The following CTNNA3 variants were observed in gnomAD, a reference collection of about 807,000 sequenced individuals.
CTNNA3 encodes catenin alpha-3.
In CTNNA3, 76 loss-of-function variants were observed where a neutral mutation model predicts 95.7. The ratio of observed to expected loss-of-function variants is 0.79; its 90% CI spans 0.66 to 0.96. The LOEUF (loss-of-function observed/expected upper bound fraction) is 0.96, where lower values mean the gene tolerates loss of function less well. CTNNA3 is among the 40% of genes least tolerant of loss of function. The pLI is 0.00. For synonymous variants in CTNNA3, 431 were observed against 374.4 expected (o/e 1.15, Z -1.74); for missense variants, 1,191 against 1,089.8 (o/e 1.09, Z -1.31).
intron 16 of CTNNA3, among the ~76,000 whole-genome samples, chr10:65,980,876 A>T (rs1223585018): frequency 6.6e-6 from 1 of 152,140 alleles, no homozygotes; most frequent in Non-Finnish European, 1.5e-5. Context: ...ACAAACCCAC[A>T]GCCAATATTA....
chr10:67,346,846 C>A (rs962632703), intron 5 of CTNNA3: 3 of 313,176 alleles, frequency 9.6e-6, no homozygotes, highest in Non-Finnish European at 2.0e-5. Context: ...GATATCAATG[C>A]CACATCATTG....
chr10:66,405,062 A>G (rs2132573818), intron 11 of CTNNA3, among the ~76,000 whole-genome samples: 1 of 152,314 alleles, frequency 6.6e-6, no homozygotes, highest in East Asian at 1.9e-4. Context: ...AGAAGAGTTA[A>G]GCAACTATCT....
At chr10:67,169,274 T>A (rs1005693386) in intron 7 of CTNNA3, among the ~76,000 whole-genome samples, 2 of 152,002 alleles carry the variant, frequency 1.3e-5, no homozygotes, top group African/African-American at 2.4e-5. Flanking sequence ...TTTACAGAAC[T>A]AGAGAAAATG....
intron 5 of CTNNA3, among the ~76,000 whole-genome samples, chr10:67,374,538 T>C (rs9415876): frequency 0.72 from 109,084 of 152,168 alleles, 43,187 homozygotes; most frequent in Non-Finnish European, 0.88. Context: ...TTCTTTTATA[T>C]TGGGCTATAT....
intron 15 of CTNNA3, among the ~76,000 whole-genome samples, chr10:66,038,838 A>G (rs949553233): frequency 6.6e-6 from 1 of 152,192 alleles, no homozygotes; most frequent in Non-Finnish European, 1.5e-5. Context: ...CTAGCACAAG[A>G]AAAGAATGTT....
chr10:67,473,316 C>T (rs754585248), intron 5 of CTNNA3, among the ~76,000 whole-genome samples: 46 of 152,300 alleles, frequency 3.0e-4, no homozygotes, highest in Middle Eastern at 3.4e-3. Context: ...TTCTCACTCA[C>T]TGTCTTCTAT....
chr10:67,745,383 A>G (rs1302309541), intron 1 of CTNNA3, among the ~76,000 whole-genome samples: 5 of 152,184 alleles, frequency 3.3e-5, no homozygotes, highest in African/African-American at 1.2e-4. Flanking sequence ...GCTGGAAACC[A>G]TCATTCTCAG....
chr10:67,627,084 T>C (rs1039583308), intron 2 of CTNNA3, among the ~76,000 whole-genome samples: 2 of 152,186 alleles, frequency 1.3e-5, no homozygotes, highest in African/African-American at 4.8e-5. Context: ...TCTTGATTTG[T>C]ATATAAACTA....
At chr10:67,007,852 C>T (rs1246147439) in intron 7 of CTNNA3, among the ~76,000 whole-genome samples, 1 of 151,962 alleles carries the variant, frequency 6.6e-6, no homozygotes, top group Non-Finnish European at 1.5e-5. Flanking sequence ...GCCATTATTT[C>T]AGATATTTTG....
rs557178768 is a variant in CTNNA3, at chr10:67,149,197, C to T, written c.1047+31120G>A. 2.6e-3 allele frequency among the ~76,000 whole-genome samples: 400 copies of T among 152,306 alleles called. 9 individuals are homozygous for T. The highest frequency in any genetic ancestry group is 0.024 in the Middle Eastern group (7 of 294). On this transcript the variant is annotated intron_variant, in intron 7 of 17. Coordinates refer to ENST00000433211, the MANE Select transcript of CTNNA3 (RefSeq NM_013266.4). ...ATTAATATAGCTTGTGAACATCACT[C>T]ATCTACTACTACTACTAGGTACTAG...
chr10:67,693,362 T>G (rs1367993681), intron 1 of CTNNA3, among the ~76,000 whole-genome samples: 1 of 152,156 alleles, frequency 6.6e-6, no homozygotes, highest in Non-Finnish European at 1.5e-5. Context: ...AAATCACACT[T>G]TTTAAATCTC....
chr10:66,958,478 A>AG (rs1848948798), intron 7 of CTNNA3, among the ~76,000 whole-genome samples: 2 of 150,842 alleles, frequency 1.3e-5, no homozygotes, highest in African/African-American at 2.4e-5. Flanking sequence ...TTTAAAAAAA[A>AG]TAGCATATAG....
chr10:67,163,462 C>T (rs1430301218), intron 7 of CTNNA3, among the ~76,000 whole-genome samples: 2 of 151,944 alleles, frequency 1.3e-5, no homozygotes, highest in Non-Finnish European at 2.9e-5. Flanking sequence ...CAGAGAAGAA[C>T]TTCTATATCT....
intron 12 of CTNNA3, among the ~76,000 whole-genome samples, chr10:66,334,100 C>T (rs1343759266): frequency 2.0e-5 from 3 of 151,930 alleles, no homozygotes. Flanking sequence ...TCCTCCATCC[C>T]TTTATTTTGA....
chr10:67,654,391 A>G (rs1172581833), intron 1 of CTNNA3, among the ~76,000 whole-genome samples: 2 of 152,178 alleles, frequency 1.3e-5, no homozygotes, highest in Admixed American at 1.3e-4. Flanking sequence ...CTAGCACTCC[A>G]TATCACCAAG....
intron 16 of CTNNA3, among the ~76,000 whole-genome samples, chr10:65,970,946 TA>T (rs1386959760): frequency 2.0e-5 from 3 of 150,902 alleles, no homozygotes; most frequent in African/African-American, 7.3e-5. Context: ...AACAACTCAC[TA>T]AAAGTGTTAG....
At chr10:67,279,542 A>ATCCACT (rs1554817338) in intron 5 of CTNNA3, among the ~76,000 whole-genome samples, 1 of 151,164 alleles carries the variant, frequency 6.6e-6, no homozygotes, top group African/African-American at 2.4e-5. Context: ...ATAGGGTAAT[A>ATCCACT]GTCAATTAGG....
intron 7 of CTNNA3, chr10:66,926,117 G>C: frequency 2.2e-6 from 1 of 458,800 alleles, no homozygotes; most frequent in Non-Finnish European, 4.4e-6. Context: ...CTGCCTTCTG[G>C]GCTCCAACGC....
intron 15 of CTNNA3, among the ~76,000 whole-genome samples, chr10:66,028,277 G>A (rs1016377938): frequency 1.3e-5 from 2 of 152,154 alleles, no homozygotes; most frequent in African/African-American, 4.8e-5. Flanking sequence ...AAATCATGCT[G>A]CTATAAAGAC....
Sources: allele counts gnomAD v4.1 joint callset (sites outside exome capture counted in the v4.1 genomes callset), GRCh38; gene constraint gnomAD v4.1.1; transcripts MANE v1.5; gene names NCBI Gene and HGNC (gene_info 2026-07-23, HGNC 2026-07-21).